Variants in KIF16B observed in about 807,000 individuals in gnomAD.
KIF16B encodes kinesin-like protein KIF16B.
In KIF16B, 98 loss-of-function variants were observed where a neutral mutation model predicts 156.3. That is an observed-to-expected ratio of 0.63 (90% CI 0.53 to 0.74). The LOEUF is 0.74. Ranked by LOEUF, KIF16B falls within the 30% of genes least tolerant of loss-of-function variation. The pLI, the probability that KIF16B is intolerant of heterozygous loss-of-function variation, is 0.00. For synonymous variants in KIF16B, 564 were observed against 583.7 expected, an observed-to-expected ratio of 0.97 and a Z score of 0.49; for missense variants, 1,421 against 1,606.5, an observed-to-expected ratio of 0.88 and a Z score of 1.97.
At chr20:16,278,267 T>C (rs2063094249) in intron 25 of KIF16B, among the ~76,000 whole-genome samples, 1 of 150,544 alleles carries the variant, frequency 6.6e-6, no homozygotes, top group Non-Finnish European at 1.5e-5. Context: ...ACAAAAGAGG[T>C]GGAAATGAAA....
At position 16,379,326 on chromosome 20, in the gene KIF16B, G is replaced by T; in HGVS notation, c.2676C>A (p.Phe892Leu). 2 of 1,606,336 alleles carry T rather than the reference G, an allele frequency of 1.2e-6. No individual in the cohort carries two copies. Among genetic ancestry groups the T allele is most frequent in the Non-Finnish European group, 1.7e-6 (2 of 1,177,124 alleles). Residue 892 changes from phenylalanine (F) to leucine (L), a missense_variant, in exon 19 of 26, where the codon TTC becomes TTA. Coordinates refer to ENST00000354981, the MANE Select transcript of KIF16B (RefSeq NM_024704.5). ...TGTACTCCACTGGCTTTATTTTCTC[G>T]AAATCTTGAGGCACTTCCGTGACAT... ...VTDVTEVPQD[F>L]EKIKPVEYRL...
intron 25 of KIF16B, among the ~76,000 whole-genome samples, chr20:16,308,677 C>A (rs2063575171): frequency 1.3e-5 from 2 of 152,218 alleles, no homozygotes; most frequent in Admixed American, 6.5e-5. Context: ...AAGCATTTTC[C>A]ACTCATGCTT....
chr20:16,287,314 C>A (rs2063237893), intron 25 of KIF16B, among the ~76,000 whole-genome samples: 1 of 152,138 alleles, frequency 6.6e-6, no homozygotes, highest in Non-Finnish European at 1.5e-5. Flanking sequence ...TAATTCTTAG[C>A]AGGTATTTCT....
At chr20:16,340,930 G>T (rs982641755) in intron 23 of KIF16B, among the ~76,000 whole-genome samples, 1 of 152,114 alleles carries the variant, frequency 6.6e-6, no homozygotes, top group Non-Finnish European at 1.5e-5. Flanking sequence ...GGCACAAGAT[G>T]ACAAGACAGC....
At chr20:16,314,251 T>C (rs1044526378) in intron 24 of KIF16B, among the ~76,000 whole-genome samples, 1 of 152,228 alleles carries the variant, frequency 6.6e-6, no homozygotes, top group Non-Finnish European at 1.5e-5. Flanking sequence ...TTCAACTCTT[T>C]TGTCCATTTT....
At chr20:16,472,553 TAAA>T (rs11318601) in intron 12 of KIF16B, among the ~76,000 whole-genome samples, 1,962 of 113,556 alleles carry the variant, frequency 0.017, 17 homozygotes, top group Middle Eastern at 0.037. Context: ...CATCTGAAAT[TAAA>T]AAAAAAAAAA....
rs145764877 is a variant in KIF16B, at chr20:16,536,567, C to T, written c.48-8127G>A. ...ATACTTTATTACATATTCTAATACA[C>T]ATACCCCATAAATATGTACACAAAT... On this transcript the variant is annotated intron_variant, in intron 1 of 25. Coordinates refer to ENST00000354981, the MANE Select transcript of KIF16B (RefSeq NM_024704.5). Among the ~76,000 whole-genome samples, 1,116 of 152,244 alleles carry T rather than the reference C, an allele frequency of 7.3e-3. 13 individuals carry two copies. Among genetic ancestry groups the T allele is most frequent in the Non-Finnish European group, 8.0e-3 (543 of 68,012 alleles).
At chr20:16,468,277 A>G (rs2067552196) in intron 12 of KIF16B, among the ~76,000 whole-genome samples, 1 of 152,228 alleles carries the variant, frequency 6.6e-6, no homozygotes, top group Middle Eastern at 3.2e-3. Context: ...CACAGATAAA[A>G]GGGAAAATTA....
chr20:16,382,014 A>C, intron 17 of KIF16B: 2 of 983,200 alleles, frequency 2.0e-6, no homozygotes, highest in Non-Finnish European at 2.8e-6. Context: ...GAAAAAGCAG[A>C]GTTAAACAAG....
intron 3 of KIF16B, among the ~76,000 whole-genome samples, chr20:16,525,675 AC>A (rs1443825979): frequency 6.6e-6 from 1 of 152,134 alleles, no homozygotes; most frequent in East Asian, 1.9e-4. Flanking sequence ...GATCCACACA[AC>A]CTGGGAACAC....
At chr20:16,521,993 G>GA (rs2069369983) in intron 3 of KIF16B, among the ~76,000 whole-genome samples, 1 of 152,078 alleles carries the variant, frequency 6.6e-6, no homozygotes, top group African/African-American at 2.4e-5. Context: ...CCACCACCAG[G>GA]CCTGCCTTAC....
At chr20:16,359,790 A>C (rs1272906520) in intron 22 of KIF16B, among the ~76,000 whole-genome samples, 1 of 152,150 alleles carries the variant, frequency 6.6e-6, no homozygotes, top group Admixed American at 6.5e-5. Flanking sequence ...CCTTTGACAC[A>C]CTAGCAACTG....
chr20:16,386,338 A>C (rs1380743064), intron 17 of KIF16B, among the ~76,000 whole-genome samples: 1 of 152,074 alleles, frequency 6.6e-6, no homozygotes. Flanking sequence ...GAAAGAGATC[A>C]GTAGCATGGA....
intron 17 of KIF16B, among the ~76,000 whole-genome samples, chr20:16,387,014 GGAA>G (rs980010711): frequency 2.8e-4 from 42 of 152,250 alleles, no homozygotes; most frequent in African/African-American, 9.9e-4. Context: ...CATTGGGACA[GGAA>G]GAAGAAGAAA....
intron 15 of KIF16B, among the ~76,000 whole-genome samples, chr20:16,407,441 G>A (rs1234194592): frequency 6.6e-6 from 1 of 152,140 alleles, no homozygotes; most frequent in African/African-American, 2.4e-5. Context: ...GAGTGCTTAA[G>A]TGTCTAGCAC....
At chr20:16,419,759 TTAAAA>T (rs1250887946) in intron 15 of KIF16B, among the ~76,000 whole-genome samples, 3 of 152,018 alleles carry the variant, frequency 2.0e-5, no homozygotes, top group African/African-American at 4.8e-5. Flanking sequence ...AAAATAATAA[TTAAAA>T]TAAGAGAGAA....
At chr20:16,450,342 G>A (rs898201455) in intron 12 of KIF16B, among the ~76,000 whole-genome samples, 2 of 152,114 alleles carry the variant, frequency 1.3e-5, no homozygotes, top group African/African-American at 2.4e-5. Flanking sequence ...ACTCTACCAT[G>A]TAACATCTTC....
intron 12 of KIF16B, among the ~76,000 whole-genome samples, chr20:16,466,403 C>CCTG (rs2067491230): frequency 6.6e-6 from 1 of 152,224 alleles, no homozygotes; most frequent in Non-Finnish European, 1.5e-5. Flanking sequence ...CAAATCTCAT[C>CCTG]CTGAATTGTA....
chr20:16,440,414 C>T (rs2066759626), intron 12 of KIF16B, among the ~76,000 whole-genome samples: 1 of 152,068 alleles, frequency 6.6e-6, no homozygotes, highest in African/African-American at 2.4e-5. Flanking sequence ...TCTAGCATCA[C>T]ATCAGACAGG....
Sources: gnomAD v4.1 joint callset for allele counts (sites outside exome capture counted in the v4.1 genomes callset) on GRCh38, gnomAD v4.1.1 for gene constraint, MANE v1.5 for transcripts, NCBI Gene and HGNC (gene_info 2026-07-23, HGNC 2026-07-21) for gene names.